Variants in CRADD observed in about 807,000 individuals in gnomAD.
The protein encoded by CRADD is CARD and death domain containing adaptor protein, also known as death domain-containing protein CRADD.
Under a neutral mutation model 15.5 loss-of-function variants are expected in CRADD, and 9 were observed. The observed-to-expected ratio is 0.58, with a 90% CI of 0.35 to 1.01. The LOEUF is 1.01. Ranked by LOEUF, CRADD falls within the 50% of genes least tolerant of loss-of-function variation. CRADD has a pLI of 0.02. For synonymous variants in CRADD, 118 were observed against 107.6 expected, an observed-to-expected ratio of 1.10 and a Z score of -0.60; for missense variants, 227 against 250.3, an observed-to-expected ratio of 0.91 and a Z score of 0.63.
chr12:93,846,459 G>A (rs1341025361), intron 2 of CRADD: 1 of 151,758 alleles, frequency 6.6e-6, no homozygotes, highest in Admixed American at 6.6e-5. Context: ...ACTGTTTTTT[G>A]TTTTGTTTTG....
downstream of CRADD, among the ~76,000 whole-genome samples, chr12:93,851,720 A>G (rs772885624): frequency 1.1e-3 from 168 of 152,342 alleles, 2 homozygotes; most frequent in Non-Finnish European, 4.0e-4. Context: ...AAACTTTACA[A>G]TGGGGCCAGT....
chr12:93,859,315 A>G (rs1335943047), intron 2 of CRADD: 1 of 455,902 alleles, frequency 2.2e-6, no homozygotes, highest in Middle Eastern at 3.3e-4. Flanking sequence ...GTCTTTTGTT[A>G]TAGGGTGTTG....
chr12:93,885,804 C>A (rs375181606), intron 2 of CRADD, among the ~76,000 whole-genome samples: 3 of 151,966 alleles, frequency 2.0e-5, no homozygotes, highest in Non-Finnish European at 4.4e-5. Context: ...TTTGGGAGGC[C>A]GAGGCAGGTG....
At chr12:93,725,787 G>GT (rs920300769) in intron 2 of CRADD, among the ~76,000 whole-genome samples, 2 of 152,160 alleles carry the variant, frequency 1.3e-5, no homozygotes, top group Non-Finnish European at 2.9e-5. Flanking sequence ...TAGGAAAGTA[G>GT]GTGTGTATAG....
intron 2 of CRADD, among the ~76,000 whole-genome samples, chr12:93,792,078 A>G (rs1957356074): frequency 6.6e-6 from 1 of 152,158 alleles, no homozygotes; most frequent in Non-Finnish European, 1.5e-5. Context: ...GTTATTAGCC[A>G]TATATAAGTA....
At chr12:93,687,925 A>G (rs940353620) in intron 2 of CRADD, among the ~76,000 whole-genome samples, 1 of 152,154 alleles carries the variant, frequency 6.6e-6, no homozygotes, top group Non-Finnish European at 1.5e-5. Flanking sequence ...ATTGCTAGTG[A>G]ATTTGAATTT....
chr12:93,778,125 C>T (rs2136968212), intron 2 of CRADD, among the ~76,000 whole-genome samples: 1 of 152,294 alleles, frequency 6.6e-6, no homozygotes, highest in South Asian at 2.1e-4. Context: ...TTCTTTGTCA[C>T]TGTGTTTGAT....
chr12:93,751,319 T>C (rs1014975046), intron 2 of CRADD, among the ~76,000 whole-genome samples: 1 of 152,196 alleles, frequency 6.6e-6, no homozygotes, highest in Admixed American at 6.5e-5. Flanking sequence ...GATGCCCTGT[T>C]GAGAGCCTCT....
At chr12:93,883,966 G>T (rs1565948288) in intron 2 of CRADD, among the ~76,000 whole-genome samples, 1 of 152,184 alleles carries the variant, frequency 6.6e-6, no homozygotes, top group Non-Finnish European at 1.5e-5. Flanking sequence ...TGGCAAGAGG[G>T]TGATCCAAGA....
intron 2 of CRADD, among the ~76,000 whole-genome samples, chr12:93,886,158 G>T (rs1486450563): frequency 1.6e-5 from 2 of 126,008 alleles, no homozygotes; most frequent in South Asian, 2.6e-4. Context: ...TCTAGCTGCT[G>T]ATGCTTTTTT....
At chr12:93,816,383 A>ATTTTTTTTTTT (rs61294048) in intron 2 of CRADD, among the ~76,000 whole-genome samples, 2 of 122,112 alleles carry the variant, frequency 1.6e-5, no homozygotes, top group East Asian at 2.3e-4. Flanking sequence ...TGCCTGGCTA[A>ATTTTTTTTTTT]TTTTTTTTTT....
chr12:93,799,499 A>C (rs941376236), intron 2 of CRADD, among the ~76,000 whole-genome samples: 2 of 152,222 alleles, frequency 1.3e-5, no homozygotes, highest in Admixed American at 6.5e-5. Context: ...ATCAGATTAC[A>C]ACCTTCAATA....
intron 2 of CRADD, among the ~76,000 whole-genome samples, chr12:93,695,668 C>T (rs7954944): frequency 0.24 from 36,901 of 152,030 alleles, 4,942 homozygotes; most frequent in East Asian, 0.4. Context: ...TTTGGGAGGC[C>T]GAGGTGGGTG....
chr12:93,737,166 G>A (rs1278105737), intron 2 of CRADD, among the ~76,000 whole-genome samples: 2 of 152,248 alleles, frequency 1.3e-5, no homozygotes, highest in Middle Eastern at 6.8e-3. Context: ...AATAGTATAT[G>A]GAAAAACAGG....
At chr12:93,807,129 T>C (rs1008239238) in intron 2 of CRADD, among the ~76,000 whole-genome samples, 4 of 152,124 alleles carry the variant, frequency 2.6e-5, no homozygotes, top group African/African-American at 9.7e-5. Flanking sequence ...TGAAAGAATA[T>C]TGTTGATGCC....
intron 2 of CRADD, among the ~76,000 whole-genome samples, chr12:93,804,828 C>T (rs1233034857): frequency 2.0e-5 from 3 of 152,076 alleles, no homozygotes; most frequent in Non-Finnish European, 2.9e-5. Context: ...AAGGACTCCT[C>T]GATTCAGACC....
chr12:93,801,727 G>A (rs1268367922), intron 2 of CRADD, among the ~76,000 whole-genome samples: 3 of 152,038 alleles, frequency 2.0e-5, no homozygotes, highest in Non-Finnish European at 4.4e-5. Context: ...AAATAGTTTT[G>A]GGGGTACAGG....
chr12:93,847,351 TTTATA>T (rs1049712030), intron 2 of CRADD, among the ~76,000 whole-genome samples: 2 of 150,536 alleles, frequency 1.3e-5, no homozygotes, highest in Non-Finnish European at 3.0e-5. Context: ...TGAATATAAT[TTTATA>T]TTATACTGTT....
intron 2 of CRADD, among the ~76,000 whole-genome samples, chr12:93,844,400 C>G (rs1958088261): frequency 6.6e-6 from 1 of 152,160 alleles, no homozygotes; most frequent in South Asian, 2.1e-4. Flanking sequence ...ACAGCACAAA[C>G]AGCTGTGATT....
Sources: allele counts gnomAD v4.1 joint callset (sites outside exome capture counted in the v4.1 genomes callset), GRCh38; gene constraint gnomAD v4.1.1; transcripts MANE v1.5; gene names NCBI Gene and HGNC (gene_info 2026-07-23, HGNC 2026-07-21).